Variants in MAGI3 observed in about 807,000 individuals in gnomAD.
MAGI3 encodes membrane-associated guanylate kinase, WW and PDZ domain-containing protein 3.
In MAGI3, 43 loss-of-function variants were observed where a neutral mutation model predicts 121.8. The ratio of observed to expected loss-of-function variants is 0.35; its 90% CI spans 0.28 to 0.46. MAGI3 has a LOEUF of 0.46. MAGI3 is among the 20% of genes least tolerant of loss of function. The pLI, the probability that MAGI3 is intolerant of heterozygous loss-of-function variation, is 1.00. For synonymous variants in MAGI3, 553 were observed against 639.3 expected, an observed-to-expected ratio of 0.86 and a Z score of 2.04; for missense variants, 1,547 against 1,797.3, an observed-to-expected ratio of 0.86 and a Z score of 2.52.
At chr1:113,660,766 A>ATT (rs33956607) in intron 16 of MAGI3, among the ~76,000 whole-genome samples, 45,171 of 122,826 alleles carry the variant, frequency 0.37, 9,453 homozygotes, top group African/African-American at 0.57. Context: ...ATAATTTTTA[A>ATT]TTTTTTTTTT....
chr1:113,486,156 T>C (rs907916387), intron 1 of MAGI3, among the ~76,000 whole-genome samples: 2 of 152,224 alleles, frequency 1.3e-5, no homozygotes, highest in East Asian at 3.8e-4. Context: ...GGCTCTTTTT[T>C]GGTTCCATAT....
At chr1:113,453,549 A>T (rs1366125277) in intron 1 of MAGI3, among the ~76,000 whole-genome samples, 1 of 152,232 alleles carries the variant, frequency 6.6e-6, no homozygotes, top group Admixed American at 6.5e-5. Flanking sequence ...AAAAGCAGTG[A>T]GAATGAACAT....
At chr1:113,566,724 G>C (rs1341636213) in intron 2 of MAGI3, among the ~76,000 whole-genome samples, 2 of 151,944 alleles carry the variant, frequency 1.3e-5, no homozygotes, top group African/African-American at 4.8e-5. Flanking sequence ...AGAGAATTTA[G>C]GAAATACCTG....
chr1:113,454,514 T>G (rs1373251057), intron 1 of MAGI3, among the ~76,000 whole-genome samples: 15 of 152,210 alleles, frequency 9.9e-5, no homozygotes, highest in Middle Eastern at 3.2e-3. Context: ...TATTTTATTA[T>G]ACTTTAAGTT....
intron 15 of MAGI3, among the ~76,000 whole-genome samples, chr1:113,655,491 TTA>T (rs1306791104): frequency 6.6e-6 from 1 of 151,458 alleles, no homozygotes; most frequent in Non-Finnish European, 1.5e-5. Context: ...AACATTTATG[TTA>T]TATTAAATTT....
At chr1:113,446,353 A>G (rs759107583) in intron 1 of MAGI3, among the ~76,000 whole-genome samples, 1 of 152,206 alleles carries the variant, frequency 6.6e-6, no homozygotes, top group Non-Finnish European at 1.5e-5. Flanking sequence ...TGTAATCCCC[A>G]TAGTAACCAC....
intron 5 of MAGI3, among the ~76,000 whole-genome samples, chr1:113,593,529 CA>C (rs1648819641): frequency 6.6e-6 from 1 of 152,130 alleles, no homozygotes; most frequent in South Asian, 2.1e-4. Flanking sequence ...TGCAACAGAG[CA>C]AGACTCTGTC....
intron 1 of MAGI3, among the ~76,000 whole-genome samples, chr1:113,441,461 T>A (rs1653908724): frequency 6.6e-6 from 1 of 152,200 alleles, no homozygotes; most frequent in African/African-American, 2.4e-5. Flanking sequence ...GAAACTGGTA[T>A]AATGGATGTT....
In MAGI3 at chr1:113,425,273, A is replaced by ATTT. The variant is rs949045641; in HGVS notation, c.316+33949_316+33951dup. Among the ~76,000 whole-genome samples the ATTT allele has an allele frequency of 4.6e-4, 40 of 86,900 alleles. 1 individual carries two copies. Among genetic ancestry groups the ATTT allele is most frequent in the Non-Finnish European group, 5.6e-4 (25 of 44,628 alleles). 57.0% of individuals were successfully genotyped at this position (86,900 alleles called of 152,430 possible). Reference sequence around the variant, plus strand: ...TCAAAGCCTTTAAATTACAAATTCAATTTTTTTTTTTTTTTTTTTTTTTTT... The same window carrying ATTT: ...TCAAAGCCTTTAAATTACAAATTCAATTTTTTTTTTTTTTTTTTTTTTTTTTTT... On this transcript the variant is annotated intron_variant, in intron 1 of 20. Coordinates refer to ENST00000307546, the MANE Select transcript of MAGI3 (RefSeq NM_001142782.2).
At chr1:113,677,523 G>A (rs1317881057) in intron 19 of MAGI3, among the ~76,000 whole-genome samples, 1 of 152,264 alleles carries the variant, frequency 6.6e-6, no homozygotes, top group Non-Finnish European at 1.5e-5. Context: ...AGTCCAGTTT[G>A]GATTGGATTT....
At chr1:113,623,164 A>G (rs957759618) in intron 9 of MAGI3, among the ~76,000 whole-genome samples, 170 bp downstream of exon 9, 1 of 152,044 alleles carries the variant, frequency 6.6e-6, no homozygotes, top group Non-Finnish European at 1.5e-5. Flanking sequence ...TTGTATGGGT[A>G]TACAGTAGGT....
chr1:113,497,232 G>A (rs1656967943), intron 1 of MAGI3, among the ~76,000 whole-genome samples: 1 of 144,758 alleles, frequency 6.9e-6, no homozygotes, highest in Non-Finnish European at 1.5e-5. Flanking sequence ...AATAGGAACA[G>A]CTCCGGTCTA....
chr1:113,631,923 A>G (rs1287628920), intron 9 of MAGI3, among the ~76,000 whole-genome samples: 1 of 152,210 alleles, frequency 6.6e-6, no homozygotes, highest in Non-Finnish European at 1.5e-5. Flanking sequence ...GTTGAAGACT[A>G]GTTTCTGATT....
At position 113,557,977 on chromosome 1, in the gene MAGI3, G is replaced by A. The variant is rs146536441; in HGVS notation, c.433+8346G>A. The stretch of plus-strand genomic sequence containing the variant: ...CACGCTCCAGCAGCCCTGCAGAAGA[G>A]TGGCCAGACTGTTAAAAGAAAAACA... On this transcript the variant is annotated intron_variant, in intron 2 of 20. Transcript: ENST00000307546. 6.6e-5 allele frequency among the ~76,000 whole-genome samples: 10 copies of A among 152,314 alleles called. No homozygotes were observed. The East Asian group carries it at 1.4e-3, about 21-fold the overall frequency.
At chr1:113,612,831 T>A (rs1650238334) in intron 6 of MAGI3, among the ~76,000 whole-genome samples, 1 of 152,214 alleles carries the variant, frequency 6.6e-6, no homozygotes, top group Admixed American at 6.5e-5. Flanking sequence ...TGATCTTTTA[T>A]CCTTACTATT....
intron 1 of MAGI3, among the ~76,000 whole-genome samples, chr1:113,406,704 C>T (rs773204539): frequency 4.0e-5 from 6 of 151,650 alleles, no homozygotes; most frequent in Non-Finnish European, 8.8e-5. Flanking sequence ...TGCCTGAGTT[C>T]AAGACCAGCC....
At chr1:113,430,845 T>A (rs187336756) in intron 1 of MAGI3, among the ~76,000 whole-genome samples, 87 of 152,368 alleles carry the variant, frequency 5.7e-4, no homozygotes, top group African/African-American at 1.9e-3. Flanking sequence ...TTCAAAAGCT[T>A]CATATGACTT....
chr1:113,664,177 C>T (rs1464613087), intron 16 of MAGI3, among the ~76,000 whole-genome samples: 2 of 152,164 alleles, frequency 1.3e-5, no homozygotes, highest in Non-Finnish European at 2.9e-5. Flanking sequence ...CTTTGATGCA[C>T]AAAGTTTTAA....
At chr1:113,470,275 C>G (rs1222269548) in intron 1 of MAGI3, among the ~76,000 whole-genome samples, 2 of 151,810 alleles carry the variant, frequency 1.3e-5, no homozygotes, top group African/African-American at 2.4e-5. Flanking sequence ...TTTGTTTCTT[C>G]TCTCTTGTTC....
Sources: gnomAD v4.1 joint callset for allele counts (sites outside exome capture counted in the v4.1 genomes callset) on GRCh38, gnomAD v4.1.1 for gene constraint, MANE v1.5 for transcripts, NCBI Gene and HGNC (gene_info 2026-07-23, HGNC 2026-07-21) for gene names.